MALRD1: variants seen among roughly 807,000 people sequenced by gnomAD.
MALRD1 encodes the protein MAM and LDL receptor class A domain containing 1.
Under a neutral mutation model 242.1 loss-of-function variants are expected in MALRD1, and 247 were observed. The ratio of observed to expected loss-of-function variants is 1.02; its 90% CI spans 0.92 to 1.13. MALRD1 has a LOEUF of 1.13. Among genes scored for constraint, MALRD1 ranks in the 50% most tolerant of loss-of-function variants. The pLI is 0.00. For missense variants in MALRD1, 2,989 were observed against 2,533.1 expected (o/e 1.18, Z -3.86); for synonymous variants, 995 against 866.6 (o/e 1.15, Z -2.60).
At position 19,290,742 on chromosome 10, in the gene MALRD1, T is replaced by A. The variant is rs533220673; in HGVS notation, c.3419+7561T>A. Among the ~76,000 whole-genome samples the A allele has an allele frequency of 1.2e-4, 18 of 152,304 alleles. No individual in the cohort carries two copies. The South Asian group carries it at 1.9e-3, about 16-fold the overall frequency. On this transcript the variant is annotated intron_variant, in intron 21 of 39. Coordinates refer to ENST00000454679, the MANE Select transcript of MALRD1 (RefSeq NM_001142308.3). ...AGTTCTCTTCAGCTGAGAAATTTTT[T>A]AAAAAATTATTATTTGCTTATCATT...
chr10:19,491,302 T>C, intron 29 of MALRD1: 1 of 711,952 alleles, frequency 1.4e-6, no homozygotes, highest in Non-Finnish European at 2.3e-6. Context: ...ACCATCAAAG[T>C]GCATAAAAGA....
chr10:19,669,598 G>A (rs1841821949), intron 36 of MALRD1, among the ~76,000 whole-genome samples: 1 of 152,168 alleles, frequency 6.6e-6, no homozygotes, highest in Non-Finnish European at 1.5e-5. Flanking sequence ...GTACAAAATT[G>A]TGTTGAGAAG....
At chr10:19,157,441 G>A (rs1051947355) in intron 12 of MALRD1, among the ~76,000 whole-genome samples, 2 of 151,840 alleles carry the variant, frequency 1.3e-5, no homozygotes, top group Non-Finnish European at 2.9e-5. Context: ...TGGAGTCGGG[G>A]TTTCACCATG....
intron 4 of MALRD1, among the ~76,000 whole-genome samples, chr10:19,102,456 T>C (rs1325429278): frequency 6.6e-6 from 1 of 152,164 alleles, no homozygotes; most frequent in Non-Finnish European, 1.5e-5. Context: ...ATAGGTAGCA[T>C]ATGGCTTGAA....
At chr10:19,217,169 G>C (rs572622355) in intron 18 of MALRD1, among the ~76,000 whole-genome samples, 3 of 151,864 alleles carry the variant, frequency 2.0e-5, no homozygotes, top group African/African-American at 7.3e-5. Flanking sequence ...ATGCAAACCT[G>C]GTCTTAGTAT....
intron 33 of MALRD1, among the ~76,000 whole-genome samples, chr10:19,588,893 T>C (rs1472774126): frequency 2.0e-5 from 3 of 152,182 alleles, no homozygotes; most frequent in Non-Finnish European, 2.9e-5. Flanking sequence ...TCCGACCGCC[T>C]TGGCCTTCCA....
chr10:19,576,044 A>C (rs1260649528), intron 33 of MALRD1, among the ~76,000 whole-genome samples: 2 of 152,234 alleles, frequency 1.3e-5, no homozygotes, highest in African/African-American at 4.8e-5. Context: ...AAGTAAGTTT[A>C]CTGAAAGGAT....
intron 21 of MALRD1, chr10:19,290,444 G>A (rs1261308493): frequency 6.6e-6 from 1 of 152,170 alleles, no homozygotes; most frequent in Non-Finnish European, 1.5e-5. Flanking sequence ...TGTAATCAAG[G>A]TATATGGAAA....
intron 36 of MALRD1, among the ~76,000 whole-genome samples, chr10:19,617,590 A>G (rs919351344): frequency 1.3e-5 from 2 of 151,986 alleles, no homozygotes. Flanking sequence ...GTGGGTTGTC[A>G]TGAGTCTTTT....
chr10:19,275,627 A>C (rs866345265), intron 19 of MALRD1, among the ~76,000 whole-genome samples: 13 of 152,110 alleles, frequency 8.5e-5, no homozygotes, highest in South Asian at 4.1e-4. Flanking sequence ...GGAGATCGCG[A>C]CACTGCACTC....
At chr10:19,309,783 A>C (rs191482874) in intron 21 of MALRD1, among the ~76,000 whole-genome samples, 1 of 151,612 alleles carries the variant, frequency 6.6e-6, no homozygotes, top group East Asian at 2.0e-4. Flanking sequence ...ATGGGGAAAA[A>C]TGAGATAGGT....
intron 31 of MALRD1, 142 bp downstream of exon 31, chr10:19,498,788 C>T: frequency 1.0e-6 from 1 of 977,758 alleles, no homozygotes; most frequent in Non-Finnish European, 1.4e-6. Flanking sequence ...GGGCTAGTCT[C>T]TTCTATTGCA....
At chr10:19,327,886 A>G (rs1843204507) in intron 23 of MALRD1, among the ~76,000 whole-genome samples, 1 of 152,056 alleles carries the variant, frequency 6.6e-6, no homozygotes, top group Admixed American at 6.6e-5. Flanking sequence ...AGATATTCGT[A>G]CCTCTAGGAA....
At chr10:19,255,775 G>A (rs111842340) in intron 18 of MALRD1, among the ~76,000 whole-genome samples, 7 of 152,028 alleles carry the variant, frequency 4.6e-5, no homozygotes, top group East Asian at 1.9e-4. Flanking sequence ...CTGTCTTTCC[G>A]TTGGCCTTGA....
chr10:19,102,531 T>C (rs974702979), intron 4 of MALRD1, among the ~76,000 whole-genome samples: 19 of 152,106 alleles, frequency 1.2e-4, no homozygotes, highest in African/African-American at 4.6e-4. Context: ...AAATGATCTG[T>C]TGTGTTTTGC....
chr10:19,445,966 G>A (rs974063562), intron 28 of MALRD1, among the ~76,000 whole-genome samples: 27 of 152,148 alleles, frequency 1.8e-4, no homozygotes, highest in Non-Finnish European at 3.5e-4. Flanking sequence ...CTTCCTGGTC[G>A]CTTTGTTTAC....
chr10:19,539,159 G>C (rs1834816466), intron 32 of MALRD1, among the ~76,000 whole-genome samples: 1 of 152,140 alleles, frequency 6.6e-6, no homozygotes, highest in Non-Finnish European at 1.5e-5. Flanking sequence ...ACACCATTCA[G>C]AGTCCTTTAT....
At chr10:19,400,875 G>A (rs2130852631) in intron 28 of MALRD1, among the ~76,000 whole-genome samples, 1 of 152,154 alleles carries the variant, frequency 6.6e-6, no homozygotes, top group South Asian at 2.1e-4. Flanking sequence ...AATTAGCCAG[G>A]CGTGGTGGCA....
intron 23 of MALRD1, among the ~76,000 whole-genome samples, chr10:19,330,805 A>G (rs2130919289): frequency 6.6e-6 from 1 of 152,236 alleles, no homozygotes; most frequent in East Asian, 1.9e-4. Context: ...TGCTCATCAC[A>G]TACATGAATC....
Sources: gnomAD v4.1 joint callset for allele counts (sites outside exome capture counted in the v4.1 genomes callset) on GRCh38, gnomAD v4.1.1 for gene constraint, MANE v1.5 for transcripts, NCBI Gene and HGNC (gene_info 2026-07-23, HGNC 2026-07-21) for gene names.